Variants in PDE11A observed in about 807,000 individuals in gnomAD.
PDE11A encodes phosphodiesterase 11A.
Under a neutral mutation model 100.5 loss-of-function variants are expected in PDE11A, and 100 were observed. The observed-to-expected ratio is 1.00, with a 90% CI of 0.85 to 1.18. The LOEUF is 1.18. Among genes scored for constraint, PDE11A ranks in the 50% most tolerant of loss-of-function variants. The pLI, the probability that PDE11A is intolerant of heterozygous loss-of-function variation, is 0.00. For missense variants in PDE11A, 1,141 were observed against 1,152.6 expected (o/e 0.99, Z 0.15); for synonymous variants, 381 against 420.8 (o/e 0.91, Z 1.16).
chr2:177,880,675 T>G (rs1271904736), intron 4 of PDE11A, among the ~76,000 whole-genome samples: 1 of 152,184 alleles, frequency 6.6e-6, no homozygotes, highest in Non-Finnish European at 1.5e-5. Flanking sequence ...AGGAAAGTAT[T>G]GTAGACTATG....
chr2:177,760,827 T>C (rs1025688389), intron 10 of PDE11A, among the ~76,000 whole-genome samples: 7 of 152,168 alleles, frequency 4.6e-5, no homozygotes, highest in African/African-American at 7.2e-5. Flanking sequence ...TCCTATTTCA[T>C]AGGGTGTCTT....
At chr2:177,784,325 A>T (rs1302319127) in intron 9 of PDE11A, among the ~76,000 whole-genome samples, 1 of 151,854 alleles carries the variant, frequency 6.6e-6, no homozygotes, top group Non-Finnish European at 1.5e-5. Context: ...ATATATTAGC[A>T]TACCAATGGA....
intron 1 of PDE11A, among the ~76,000 whole-genome samples, chr2:178,033,102 G>A (rs546557237): frequency 2.0e-5 from 3 of 152,284 alleles, no homozygotes; most frequent in African/African-American, 7.2e-5. Context: ...AAACTCTTCT[G>A]AGCTAAAGGA....
At chr2:178,003,299 C>A (rs2086166872) in intron 2 of PDE11A, among the ~76,000 whole-genome samples, 2 of 152,048 alleles carry the variant, frequency 1.3e-5, no homozygotes, top group Admixed American at 6.6e-5. Context: ...GAAACAGCAA[C>A]AAATATCCAT....
At chr2:177,811,767 T>G (rs1363357064) in intron 9 of PDE11A, among the ~76,000 whole-genome samples, 2 of 152,092 alleles carry the variant, frequency 1.3e-5, no homozygotes, top group Non-Finnish European at 2.9e-5. Flanking sequence ...TTTCTGCAGA[T>G]ACATGTATAG....
At chr2:177,866,785 T>C (rs542710482) in intron 5 of PDE11A, among the ~76,000 whole-genome samples, 2 of 152,238 alleles carry the variant, frequency 1.3e-5, no homozygotes, top group Non-Finnish European at 2.9e-5. Context: ...TTGAGTGAAG[T>C]AGTTCTTGAA....
intron 2 of PDE11A, among the ~76,000 whole-genome samples, chr2:177,996,842 C>G (rs1440694282): frequency 6.6e-6 from 1 of 152,146 alleles, no homozygotes; most frequent in Non-Finnish European, 1.5e-5. Context: ...AACTGATAGT[C>G]TTTATCAGCA....
intron 5 of PDE11A, among the ~76,000 whole-genome samples, chr2:177,856,349 T>C (rs1332335789): frequency 6.6e-6 from 1 of 152,094 alleles, no homozygotes; most frequent in Non-Finnish European, 1.5e-5. Flanking sequence ...CACATTACAT[T>C]ATTTAAAACA....
At chr2:178,011,434 A>G (rs1467746123) in intron 2 of PDE11A, among the ~76,000 whole-genome samples, 1 of 152,178 alleles carries the variant, frequency 6.6e-6, no homozygotes, top group Non-Finnish European at 1.5e-5. Context: ...ATAGAAGACC[A>G]GTTTATAATT....
intron 2 of PDE11A, among the ~76,000 whole-genome samples, chr2:177,927,214 A>G (rs1357940945): frequency 1.3e-5 from 2 of 152,236 alleles, no homozygotes; most frequent in Admixed American, 1.3e-4. Context: ...AATTATTGCC[A>G]TGACAGCTAG....
chr2:177,697,526 T>TA (rs988783520), intron 14 of PDE11A, 94 bp from the exon 15 acceptor site: 26 of 714,434 alleles, frequency 3.6e-5, no homozygotes, highest in Admixed American at 1.6e-4. Flanking sequence ...CTGGGAACAT[T>TA]AAAAAAATCA....
At chr2:177,758,603 G>A (rs867133291) in intron 10 of PDE11A, among the ~76,000 whole-genome samples, 3 of 152,226 alleles carry the variant, frequency 2.0e-5, no homozygotes, top group East Asian at 3.8e-4. Flanking sequence ...CACAGACAGC[G>A]AGGCTCAAAT....
intron 2 of PDE11A, among the ~76,000 whole-genome samples, chr2:178,002,251 T>C (rs1001284685): frequency 3.9e-5 from 6 of 152,216 alleles, no homozygotes; most frequent in African/African-American, 1.4e-4. Context: ...ATGATTTCAT[T>C]CTTTTTTATG....
chr2:177,832,788 C>T (rs1197655568), intron 6 of PDE11A, among the ~76,000 whole-genome samples: 1 of 152,052 alleles, frequency 6.6e-6, no homozygotes, highest in East Asian at 1.9e-4. Flanking sequence ...CAGACAACTC[C>T]AGTAAACACA....
intron 1 of PDE11A, among the ~76,000 whole-genome samples, chr2:178,063,628 G>C (rs2105867371): frequency 6.6e-6 from 1 of 152,270 alleles, no homozygotes. Context: ...CTATAGGAGT[G>C]GTCTTTAGTT....
rs750780087 is a variant in PDE11A, at chr2:178,071,674, G to T, written c.764C>A (p.Ser255Tyr). Residue 255 changes from serine (S) to tyrosine (Y), a missense_variant, in exon 1 of 20, where the codon TCC becomes TAC. Transcript: ENST00000286063. ...TCCTGCATGCACATCAAAGAATTTG[G>T]AGACCAAGGTCTTCTTGCCAGCAGC... ...GAAAGKKTLVSKFFDVHAGTP... is the reference protein window; with the variant it reads ...GAAAGKKTLVYKFFDVHAGTP... 3 of 1,613,590 alleles carry T rather than the reference G, an allele frequency of 1.9e-6. No homozygotes were observed. Among genetic ancestry groups the T allele is most frequent in the Non-Finnish European group, 8.5e-7 (1 of 1,179,494 alleles).
rs750674840 is a variant in PDE11A at position 177,728,025 on chromosome 2, C to T, written c.1935+1G>A. 6.2e-7 allele frequency: 1 copy of T among 1,612,618 alleles called. No individual in the cohort carries two copies. The highest frequency in any genetic ancestry group is 1.1e-5 in the South Asian group (1 of 91,032). ...TGGATCACCCAAGACAGACATCTTA[C>T]CTCATAGTCAATTTTAAATTTCTGT... On this transcript the variant is annotated splice_donor_variant, in intron 11 of 19. Coordinates refer to ENST00000286063, the MANE Select transcript of PDE11A (RefSeq NM_016953.4). LOFTEE classifies it high-confidence loss of function.
intron 10 of PDE11A, among the ~76,000 whole-genome samples, chr2:177,766,753 C>T (rs868019289): frequency 1.3e-5 from 2 of 152,134 alleles, no homozygotes; most frequent in Non-Finnish European, 2.9e-5. Flanking sequence ...GTTTTATTTA[C>T]TGTCTATATC....
At chr2:177,644,969 C>T (rs1455661187) in intron 19 of PDE11A, among the ~76,000 whole-genome samples, 2 of 152,184 alleles carry the variant, frequency 1.3e-5, no homozygotes, top group Admixed American at 1.3e-4. Flanking sequence ...GTGAGGCTTC[C>T]CCAGCAACGT....
Sources: gnomAD v4.1 joint callset for allele counts (sites outside exome capture counted in the v4.1 genomes callset) on GRCh38, gnomAD v4.1.1 for gene constraint, MANE v1.5 for transcripts, NCBI Gene and HGNC (gene_info 2026-07-23, HGNC 2026-07-21) for gene names.